Variants in DNAH5 observed in about 807,000 individuals in gnomAD.
The protein encoded by DNAH5 is axonemal beta dynein heavy chain 5.
DNAH5 carries 372 observed loss-of-function variants against 518.2 expected under a neutral mutation model. That is an observed-to-expected ratio of 0.72 (90% CI 0.66 to 0.78). The LOEUF (loss-of-function observed/expected upper bound fraction) is 0.78. Among genes scored for constraint, DNAH5 ranks in the 30% least tolerant of loss-of-function variants. DNAH5 has a pLI of 0.00. For missense variants in DNAH5, 5,523 were observed against 5,687.0 expected (o/e 0.97, Z 0.93); for synonymous variants, 2,039 against 2,025.9 (o/e 1.01, Z -0.17).
chr5:13,864,760 C>A, intron 27 of DNAH5, 123 bp from the exon 28 acceptor site: 2 of 1,093,556 alleles, frequency 1.8e-6, no homozygotes, highest in Admixed American at 1.8e-5. Context: ...ATTTTAAATC[C>A]CATGACTTGC....
chr5:13,943,895 G>C (rs1352016104), intron 1 of DNAH5, among the ~76,000 whole-genome samples: 1 of 152,186 alleles, frequency 6.6e-6, no homozygotes, highest in Non-Finnish European at 1.5e-5. Context: ...TGAGCCCTGT[G>C]CTAGGGAAGT....
intron 1 of DNAH5, among the ~76,000 whole-genome samples, chr5:13,996,136 A>T (rs1291014817): frequency 6.6e-6 from 1 of 152,204 alleles, no homozygotes; most frequent in East Asian, 1.9e-4. Flanking sequence ...TGTTTCCCAT[A>T]CAATGGCTTT....
intron 24 of DNAH5, 125 bp downstream of exon 24, chr5:13,870,642 T>C (rs1362368237): frequency 2.2e-6 from 2 of 915,756 alleles, no homozygotes; most frequent in Admixed American, 2.0e-5. Context: ...TCATCAACAA[T>C]ATTGAAATTA....
Position 13,891,070 on chromosome 5 carries a change from A to G in DNAH5, c.2483T>C (p.Ile828Thr), listed in dbSNP as rs769408333. The change falls in exon 17 of 79, where the codon ATT becomes ACT. Residue 828 changes from isoleucine to threonine, a missense_variant. Ile to Thr is a moderately conservative substitution (Grantham distance 89, BLOSUM62 -1). Coordinates refer to ENST00000265104, the MANE Select transcript of DNAH5 (RefSeq NM_001369.3). ...GCTCATTTCTTCTAGAATGGCATCA[A>G]TGCGGAACTCAATCAAATCATTGAC... ...DRVNDLIEFRIDAILEEMSST... is the reference protein window; with the variant it reads ...DRVNDLIEFRTDAILEEMSST... 1.7e-5 allele frequency: 27 copies of G among 1,614,082 alleles called. No individual in the cohort carries two copies. Among genetic ancestry groups the G allele is most frequent in the Non-Finnish European group, 2.2e-5 (26 of 1,180,018 alleles).
intron 3 of DNAH5, among the ~76,000 whole-genome samples, chr5:13,925,721 G>A (rs1256410765): frequency 6.6e-6 from 1 of 152,182 alleles, no homozygotes; most frequent in Non-Finnish European, 1.5e-5. Context: ...TTCCTACCAA[G>A]ACACGTGATA....
intron 1 of DNAH5, among the ~76,000 whole-genome samples, chr5:13,959,777 G>A (rs1191000717): frequency 6.6e-6 from 1 of 152,176 alleles, no homozygotes; most frequent in Admixed American, 6.5e-5. Flanking sequence ...AGACCAGCCT[G>A]ACCAACATGG....
chr5:13,781,058 G>A (rs1755048745), intron 52 of DNAH5, 99 bp from the exon 53 acceptor site: 2 of 1,349,438 alleles, frequency 1.5e-6, no homozygotes, highest in Admixed American at 3.9e-5. Flanking sequence ...TATTATTTTG[G>A]AAGATATAGG....
At position 13,792,074 on chromosome 5, in the gene DNAH5, A is replaced by C. The variant is rs1757083607; in HGVS notation, c.8368T>G (p.Tyr2790Asp). The part of the protein sequence containing the change: ...KMLPTPAKFH[Y>D]VFNLRDLSRV... ...GAAAGATCTCGTAGGTTAAACACAT[A>C]ATGGAATTTTGCAGGGGTAGGAAGC... The change falls in exon 50 of 79, where the codon TAT (tyrosine) becomes GAT (aspartate). Residue 2790 changes from tyrosine (Y) to aspartate (D), a missense_variant. This residue lies in a region of DNAH5 where 5,121 missense variants were observed against 5,223.3 expected (regional missense o/e 0.98). Coordinates refer to ENST00000265104, the MANE Select transcript of DNAH5 (RefSeq NM_001369.3). 6.2e-7 allele frequency: 1 copy of C among 1,614,056 alleles called. No homozygotes were observed. Among genetic ancestry groups the C allele is most frequent in the Non-Finnish European group, 8.5e-7 (1 of 1,180,000 alleles).
Position 13,844,971 on chromosome 5 carries a change from A to G in DNAH5, c.5137T>C (p.Cys1713Arg), listed in dbSNP as rs199553673. The G allele has an allele frequency of 3.3e-5, 54 of 1,614,152 alleles. No homozygotes were observed. Among genetic ancestry groups the G allele is most frequent in the Non-Finnish European group, 3.4e-6 (4 of 1,179,996 alleles). The stretch of plus-strand genomic sequence containing the variant: ...GAGACGAAGAAAAACCGAGGAAAGC[A>G]CAGTCGTTTTTTCTCCAAGTACCTA... Reference protein sequence around the residue: ...LTGYLEKKRLCFPRFFFVSDP... With the variant: ...LTGYLEKKRLRFPRFFFVSDP... The change falls in exon 32 of 79, where the codon TGC becomes CGC. Residue 1713 changes from cysteine to arginine, a missense_variant. Cys to Arg is a radical substitution (Grantham distance 180, BLOSUM62 -3). This residue lies in a region of DNAH5 where 5,121 missense variants were observed against 5,223.3 expected (regional missense o/e 0.98). Transcript: ENST00000265104.
intron 1 of DNAH5, chr5:13,932,119 T>C (rs1778488170): frequency 6.6e-6 from 1 of 152,230 alleles, no homozygotes. Context: ...CAACAAACAT[T>C]TGTTAAACCC....
At chr5:13,867,261 T>A (rs1472766596) in intron 25 of DNAH5, among the ~76,000 whole-genome samples, 1 of 152,150 alleles carries the variant, frequency 6.6e-6, no homozygotes. Flanking sequence ...TGAATTGTAA[T>A]CCCCATAATC....
At chr5:13,848,414 T>C (rs1283469221) in intron 31 of DNAH5, among the ~76,000 whole-genome samples, 3 of 152,228 alleles carry the variant, frequency 2.0e-5, no homozygotes, top group Non-Finnish European at 4.4e-5. Context: ...AGACCAGTTT[T>C]CAATTTTTCC....
At chr5:13,955,539 A>T (rs1780707752) in intron 1 of DNAH5, among the ~76,000 whole-genome samples, 1 of 152,190 alleles carries the variant, frequency 6.6e-6, no homozygotes. Flanking sequence ...TAATTCACTG[A>T]GTGATGTAGA....
At chr5:13,880,978 G>A (rs1176730489) in intron 21 of DNAH5, among the ~76,000 whole-genome samples, 1 of 151,834 alleles carries the variant, frequency 6.6e-6, no homozygotes, top group Non-Finnish European at 1.5e-5. Flanking sequence ...GATTGAAAGT[G>A]AAGGGATGAA....
chr5:13,811,561 A>G, intron 44 of DNAH5, 86 bp downstream of exon 44: 1 of 1,335,494 alleles, frequency 7.5e-7, no homozygotes, highest in South Asian at 1.2e-5. Flanking sequence ...GCATGGCTAC[A>G]TTAATAAGAG....
chr5:13,719,043 A>C lies in DNAH5; in HGVS notation c.12338T>G (p.Met4113Arg), dbSNP rs1450908175. The part of the protein sequence containing the change: ...HLGLDFMDEL[M>R]DIIIETELVH... ...AAGCTCAGTTTCTATGATTATGTCC[A>C]TCAGCTCATCCATGAAATCAAGTCC... is the stretch of plus-strand genomic sequence containing the variant. The change falls in exon 72 of 79, where the codon ATG (methionine) becomes AGG (arginine). Residue 4113 changes from methionine to arginine, a missense_variant. Transcript: ENST00000265104. 6.2e-7 allele frequency: 1 copy of C among 1,614,056 alleles called. No individual in the cohort carries two copies. Among genetic ancestry groups the C allele is most frequent in the African/African-American group, 1.3e-5 (1 of 74,934 alleles).
chr5:13,767,833 T>A (rs1011544695), intron 58 of DNAH5, among the ~76,000 whole-genome samples: 1 of 152,194 alleles, frequency 6.6e-6, no homozygotes, highest in Non-Finnish European at 1.5e-5. Flanking sequence ...TTATCTAACA[T>A]CTGGAGGTAT....
rs187743665 is a variant in DNAH5 at position 13,990,270 on chromosome 5, C to T, written c.12+21378G>A. Among the ~76,000 whole-genome samples the T allele has an allele frequency of 1.6e-4, 24 of 152,120 alleles. No homozygotes were observed. In the East Asian group the frequency reaches 3.5e-3, roughly 22 times the overall value. On this transcript the variant is annotated intron_variant, in intron 1 of 78. Coordinates refer to the DNAH5 transcript ENST00000681290. ...AAAACTTTAAAAAATTGGGGCCCGG[C>T]GGCCAGGCACGGTGGCTCATGCCTG...
At chr5:13,942,512 T>G (rs1195452167) in intron 1 of DNAH5, among the ~76,000 whole-genome samples, 1 of 152,230 alleles carries the variant, frequency 6.6e-6, no homozygotes, top group African/African-American at 2.4e-5. Flanking sequence ...TAGGCCCATC[T>G]GTACACTTCC....
Sources: gnomAD v4.1 joint callset for allele counts (sites outside exome capture counted in the v4.1 genomes callset) on GRCh38, gnomAD v4.1.1 for gene constraint, gnomAD v4.1.1 regional missense constraint, MANE v1.5 for transcripts, NCBI Gene and HGNC (gene_info 2026-07-23, HGNC 2026-07-21) for gene names.